Variants in MOSMO observed in about 807,000 individuals in gnomAD.
The protein encoded by MOSMO is modulator of smoothened protein.
In MOSMO, 5 loss-of-function variants were observed where a neutral mutation model predicts 18.4. The ratio of observed to expected loss-of-function variants is 0.27; its 90% confidence interval spans 0.14 to 0.57. The LOEUF (loss-of-function observed/expected upper bound fraction) is 0.57. Ranked by LOEUF, MOSMO falls within the 20% of genes least tolerant of loss-of-function variation. The probability of loss-of-function intolerance (pLI) is 0.92; values close to 1 mark genes in which losing one functional copy is unlikely to be tolerated. For synonymous variants in MOSMO, 82 were observed against 82.3 expected (o/e 1.00, Z 0.02); for missense variants, 138 against 211.8 (o/e 0.65, Z 2.16).
intron 1 of MOSMO, chr16:22,064,267 A>G (rs1324394100): frequency 2.2e-6 from 1 of 455,760 alleles, no homozygotes; most frequent in Non-Finnish European, 4.4e-6. Context: ...ATACTTTTAC[A>G]GATAATTCCA....
rs1901126531 is a variant in MOSMO, at chr16:22,083,889, T to C, written c.*3009T>C. On this transcript the variant is annotated 3_prime_UTR_variant, in exon 3 of 3. Coordinates refer to ENST00000542527, the MANE Select transcript of MOSMO (RefSeq NM_001164579.2). The stretch of plus-strand genomic sequence containing the variant: ...CAAAGGTAATCCATGTTCTATGTTG[T>C]TAATGTGTGTATGTAATTTTTCTGA... 3.1e-6 allele frequency: 1 copy of C among 326,828 alleles called. No individual in the cohort carries two copies. Among genetic ancestry groups the C allele is most frequent in the African/African-American group, 2.2e-5 (1 of 45,406 alleles). 20.2% of individuals were successfully genotyped at this position (326,828 alleles called of 1,614,324 possible). A position where few individuals can be genotyped will look rare whatever the true frequency, so the allele number is the denominator to read the frequency against.
At chr16:22,084,929 G>A (rs766443449), downstream of MOSMO, among the ~76,000 whole-genome samples, 6 of 152,146 alleles carry the variant, frequency 3.9e-5, no homozygotes, top group South Asian at 2.1e-4. Flanking sequence ...TCCCTTCTGC[G>A]TCATGCTTCC....
In MOSMO at chr16:22,039,128, CAAT is replaced by C. The variant is rs1238260067; in HGVS notation, c.106+30725_106+30727del. ...CCTTCTCTAAGCTTCAGTTTCCTAACAATAATCATACTGAATCATATCAGTTTT... is the reference window on the plus strand; with the variant it reads ...CCTTCTCTAAGCTTCAGTTTCCTAACAATCATACTGAATCATATCAGTTTT... On this transcript the variant is annotated intron_variant, in intron 1 of 2. Transcript: ENST00000542527. 3.9e-5 allele frequency among the ~76,000 whole-genome samples: 6 copies of C among 152,136 alleles called. No individual in the cohort carries two copies. The East Asian group carries it at 9.6e-4, about 24-fold the overall frequency.
downstream of MOSMO, among the ~76,000 whole-genome samples, chr16:22,085,454 AT>A: frequency 6.6e-6 from 1 of 152,218 alleles, no homozygotes; most frequent in Non-Finnish European, 1.5e-5. Flanking sequence ...TTGGGGGGTT[AT>A]TTTCTATAAA....
chr16:22,069,865 A>T (rs1317365518), intron 1 of MOSMO, among the ~76,000 whole-genome samples: 3 of 152,204 alleles, frequency 2.0e-5, no homozygotes, highest in Non-Finnish European at 4.4e-5. Context: ...CATATGGGAT[A>T]GTTTTGTTTT....
chr16:22,050,525 G>A (rs1438008734), intron 1 of MOSMO, among the ~76,000 whole-genome samples: 1 of 152,094 alleles, frequency 6.6e-6, no homozygotes, highest in Non-Finnish European at 1.5e-5. Flanking sequence ...AGTGAGTAAA[G>A]GCCAGGGATA....
chr16:22,048,023 C>A (rs937975719), intron 1 of MOSMO, among the ~76,000 whole-genome samples: 2 of 152,128 alleles, frequency 1.3e-5, no homozygotes, highest in African/African-American at 4.8e-5. Flanking sequence ...TCTTGAAAGA[C>A]GAGGGAGTTA....
chr16:22,018,794 C>T lies in MOSMO; in HGVS notation c.106+10387C>T, dbSNP rs142781219. Among the ~76,000 whole-genome samples, 8 of 152,168 alleles carry T rather than the reference C, an allele frequency of 5.3e-5. No homozygotes were observed. In the East Asian group the frequency reaches 1.4e-3, roughly 26 times the overall value. On this transcript the variant is annotated intron_variant, in intron 1 of 2. Transcript: ENST00000542527. The stretch of plus-strand genomic sequence containing the variant: ...GAGAGGAGGTGGAATTTGAGCTTAA[C>T]AGATGATACATTTAATAATGAGTAA...
At chr16:22,045,158 C>T (rs1900282795) in intron 1 of MOSMO, among the ~76,000 whole-genome samples, 2 of 150,324 alleles carry the variant, frequency 1.3e-5, no homozygotes, top group South Asian at 4.2e-4. Flanking sequence ...GCACTCCAGC[C>T]TGGGCAATAG....
chr16:22,053,673 G>A (rs1254315091), intron 1 of MOSMO, among the ~76,000 whole-genome samples: 1 of 152,034 alleles, frequency 6.6e-6, no homozygotes, highest in East Asian at 1.9e-4. Flanking sequence ...TATTGTGGCG[G>A]GCACCTGTAA....
At chr16:22,011,781 T>C (rs1409521013) in intron 1 of MOSMO, among the ~76,000 whole-genome samples, 1 of 152,136 alleles carries the variant, frequency 6.6e-6, no homozygotes, top group African/African-American at 2.4e-5. Flanking sequence ...TTTAAAATTC[T>C]TATCTAGCAT....
chr16:22,055,806 A>G (rs1300967818), intron 1 of MOSMO, among the ~76,000 whole-genome samples: 1 of 152,238 alleles, frequency 6.6e-6, no homozygotes, highest in Non-Finnish European at 1.5e-5. Flanking sequence ...TTGTAATGGA[A>G]AGTGGATCAG....
rs530769223 is a variant in MOSMO at position 22,067,893 on chromosome 16, A to G, written c.107-7594A>G. 1.7e-3 allele frequency among the ~76,000 whole-genome samples: 255 copies of G among 152,162 alleles called. 2 individuals are homozygous for G. The highest frequency in any genetic ancestry group is 5.7e-3 in the African/African-American group (235 of 41,516). On this transcript the variant is annotated intron_variant, in intron 1 of 2. Coordinates refer to ENST00000542527, the MANE Select transcript of MOSMO (RefSeq NM_001164579.2). Reference sequence around the variant, plus strand: ...GACTCTGTCTCTAAAAAGAAAGAAAAAAAAAAAAAATCACTGTCAATCAGT... The same window carrying G: ...GACTCTGTCTCTAAAAAGAAAGAAAGAAAAAAAAAATCACTGTCAATCAGT...
chr16:22,058,382 C>T (rs575666209), intron 1 of MOSMO, among the ~76,000 whole-genome samples: 44 of 149,526 alleles, frequency 2.9e-4, no homozygotes, highest in African/African-American at 7.6e-4. Flanking sequence ...GCCGAGATCG[C>T]GCCACTGCTC....
At chr16:22,044,652 C>T (rs1900273563) in intron 1 of MOSMO, among the ~76,000 whole-genome samples, 1 of 152,116 alleles carries the variant, frequency 6.6e-6, no homozygotes, top group Non-Finnish European at 1.5e-5. Flanking sequence ...GATACTCAAC[C>T]TGTACTACTT....
At chr16:22,010,804 C>T (rs1311264823) in intron 1 of MOSMO, among the ~76,000 whole-genome samples, 3 of 151,992 alleles carry the variant, frequency 2.0e-5, no homozygotes, top group Non-Finnish European at 4.4e-5. Context: ...GCCTGTCATC[C>T]CAGCTACTCG....
At chr16:22,062,806 A>C (rs1206243364) in intron 1 of MOSMO, among the ~76,000 whole-genome samples, 1 of 152,074 alleles carries the variant, frequency 6.6e-6, no homozygotes, top group Non-Finnish European at 1.5e-5. Flanking sequence ...CACAGAGGTT[A>C]ATTAACTTGC....
chr16:22,062,307 CTTTT>C (rs546549658), intron 1 of MOSMO, among the ~76,000 whole-genome samples: 1 of 151,670 alleles, frequency 6.6e-6, no homozygotes, highest in Non-Finnish European at 1.5e-5. Context: ...TCTCTTATTT[CTTTT>C]TTTTCTTTTC....
chr16:22,080,877 C>T lies in MOSMO; in HGVS notation c.501C>T (p.Gly167=), dbSNP rs1377652882. 1 of 1,351,640 alleles carries T rather than the reference C, an allele frequency of 7.4e-7. No individual in the cohort carries two copies. Among genetic ancestry groups the T allele is most frequent in the African/African-American group, 1.5e-5 (1 of 65,866 alleles). 83.7% of individuals were successfully genotyped at this position (1,351,640 alleles called of 1,614,324 possible). Residue 167 remains glycine (G), a synonymous_variant, in exon 3 of 3, where the codon GGC becomes GGT. Coordinates refer to ENST00000542527, the MANE Select transcript of MOSMO (RefSeq NM_001164579.2). ...LLFAGKVCLP[G] Reference sequence around the variant, plus strand: ...TTGCTGGCAAAGTTTGTTTACCAGGCTGATGAATGTCTAAATTGCTTGACT... The same window carrying T: ...TTGCTGGCAAAGTTTGTTTACCAGGTTGATGAATGTCTAAATTGCTTGACT...
Sources: allele counts gnomAD v4.1 joint callset (sites outside exome capture counted in the v4.1 genomes callset), GRCh38; gene constraint gnomAD v4.1.1; transcripts MANE v1.5; gene names NCBI Gene and HGNC (gene_info 2026-07-23, HGNC 2026-07-21).